Variants in KCNQ3 observed in about 807,000 individuals in gnomAD.
KCNQ3 encodes the protein potassium voltage-gated channel subfamily KQT member 3.
KCNQ3 carries 30 observed loss-of-function variants against 92.5 expected under a neutral mutation model. The observed-to-expected ratio is 0.32, with a 90% CI of 0.24 to 0.44. The LOEUF (loss-of-function observed/expected upper bound fraction) is 0.44, where lower values mean the gene tolerates loss of function less well. Ranked by LOEUF, KCNQ3 falls within the 20% of genes least tolerant of loss-of-function variation. The pLI is 1.00. For missense variants in KCNQ3, 913 were observed against 1,140.3 expected, an observed-to-expected ratio of 0.80 and a Z score of 2.87; for synonymous variants, 450 against 468.8, an observed-to-expected ratio of 0.96 and a Z score of 0.52.
intron 9 of KCNQ3, among the ~76,000 whole-genome samples, chr8:132,161,549 T>G (rs141725883): frequency 0.013 from 1,987 of 151,940 alleles, 41 homozygotes; most frequent in African/African-American, 0.044. Context: ...GGAGAATCAC[T>G]TGAACCCAGG....
intron 1 of KCNQ3, among the ~76,000 whole-genome samples, chr8:132,417,162 G>C (rs942924638): frequency 6.6e-6 from 1 of 152,190 alleles, no homozygotes; most frequent in East Asian, 1.9e-4. Flanking sequence ...ATCCCGTATA[G>C]AGACTATTTA....
intron 8 of KCNQ3, among the ~76,000 whole-genome samples, chr8:132,165,753 G>C (rs574155792): frequency 1.3e-5 from 2 of 152,194 alleles, no homozygotes; most frequent in South Asian, 4.1e-4. Flanking sequence ...CAAGACCTGA[G>C]TTCCAATCTT....
At chr8:132,416,302 C>T (rs1820805768) in intron 1 of KCNQ3, among the ~76,000 whole-genome samples, 1 of 152,214 alleles carries the variant, frequency 6.6e-6, no homozygotes, top group African/African-American at 2.4e-5. Context: ...CTTATCTTCT[C>T]TTTGGAATTC....
chr8:132,123,325 C>T lies in KCNQ3; in HGVS notation c.*5937G>A, dbSNP rs1824551757. ...GCAGAGAGGTGGAGGGGAGGAGTGCCTGCATGGCCATGGGATTGTTCTTCA... is the reference window on the plus strand; with the variant it reads ...GCAGAGAGGTGGAGGGGAGGAGTGCTTGCATGGCCATGGGATTGTTCTTCA... On this transcript the variant is annotated 3_prime_UTR_variant, in exon 15 of 15. Coordinates refer to ENST00000388996, the MANE Select transcript of KCNQ3 (RefSeq NM_004519.4). 1 of 152,428 alleles carries T rather than the reference C, an allele frequency of 6.6e-6. No homozygotes were observed. The highest frequency in any genetic ancestry group is 2.4e-5 in the African/African-American group (1 of 41,416). The allele number at this position is 152,428 out of a possible 1,614,324, so 9.4% of individuals were successfully genotyped here. A position where few individuals can be genotyped will look rare whatever the true frequency, so the allele number is the denominator to read the frequency against.
At chr8:132,167,226 G>A (rs771483240) in intron 8 of KCNQ3, among the ~76,000 whole-genome samples, 1 of 152,178 alleles carries the variant, frequency 6.6e-6, no homozygotes, top group Non-Finnish European at 1.5e-5. Flanking sequence ...GTTCAGGATA[G>A]GTGAAAGAAA....
chr8:132,462,166 T>C (rs1222750471), intron 1 of KCNQ3, among the ~76,000 whole-genome samples: 1 of 140,800 alleles, frequency 7.1e-6, no homozygotes, highest in Non-Finnish European at 1.5e-5. Context: ...CACTGAATTG[T>C]ACATTTATTT....
chr8:132,310,150 G>C (rs564949423), intron 1 of KCNQ3, among the ~76,000 whole-genome samples: 1 of 152,316 alleles, frequency 6.6e-6, no homozygotes, highest in Admixed American at 6.5e-5. Flanking sequence ...CCATATTCAA[G>C]GGAGCACACT....
At chr8:132,156,448 C>A (rs2130041745) in intron 9 of KCNQ3, among the ~76,000 whole-genome samples, 1 of 152,204 alleles carries the variant, frequency 6.6e-6, no homozygotes, top group African/African-American at 2.4e-5. Context: ...ACTCTACTAC[C>A]TAGTTATTTT....
chr8:132,398,249 C>T (rs1426963837), intron 1 of KCNQ3, among the ~76,000 whole-genome samples: 1 of 152,184 alleles, frequency 6.6e-6, no homozygotes, highest in Non-Finnish European at 1.5e-5. Context: ...TCAAATCTCT[C>T]CCCCTCTTCA....
intron 1 of KCNQ3, among the ~76,000 whole-genome samples, chr8:132,345,061 G>A (rs985597474): frequency 6.6e-6 from 1 of 152,184 alleles, no homozygotes; most frequent in Non-Finnish European, 1.5e-5. Flanking sequence ...CAGGGGCATA[G>A]ATTGGTGGCC....
intron 1 of KCNQ3, among the ~76,000 whole-genome samples, chr8:132,478,537 G>A (rs551074405): frequency 2.0e-5 from 3 of 152,182 alleles, no homozygotes; most frequent in African/African-American, 7.2e-5. Flanking sequence ...GTATTTTAAT[G>A]CTTTTTTTTC....
intron 1 of KCNQ3, among the ~76,000 whole-genome samples, chr8:132,207,852 C>A (rs1270495174): frequency 7.1e-6 from 1 of 140,538 alleles, no homozygotes; most frequent in Non-Finnish European, 1.5e-5. Flanking sequence ...AGACTTTTTT[C>A]TTTTCCTTTT....
chr8:132,151,992 GT>G (rs1301942172), intron 9 of KCNQ3, among the ~76,000 whole-genome samples: 1 of 152,214 alleles, frequency 6.6e-6, no homozygotes, highest in Non-Finnish European at 1.5e-5. Flanking sequence ...GTTATGTTAA[GT>G]TATTGGATAC....
At position 132,235,327 on chromosome 8, in the gene KCNQ3, A is replaced by AC. The variant is rs376462729; in HGVS notation, c.387-49147dup. ...AGACCAGCCTGACCAACATGGTGAA[A>AC]CCCCGTCTCTACTAAAAATACGAAA... is the stretch of plus-strand genomic sequence containing the variant. On this transcript the variant is annotated intron_variant, in intron 1 of 14. Coordinates refer to ENST00000388996, the MANE Select transcript of KCNQ3 (RefSeq NM_004519.4). Among the ~76,000 whole-genome samples, 1,352 of 152,218 alleles carry AC rather than the reference A, an allele frequency of 8.9e-3. 18 individuals carry two copies. Among genetic ancestry groups the AC allele is most frequent in the African/African-American group, 0.031 (1,301 of 41,532 alleles).
At chr8:132,209,571 T>C (rs1813788409) in intron 1 of KCNQ3, among the ~76,000 whole-genome samples, 1 of 150,186 alleles carries the variant, frequency 6.7e-6, no homozygotes, top group Non-Finnish European at 1.5e-5. Context: ...ACACACGTAT[T>C]GATGGTCCCC....
At chr8:132,166,857 C>T (rs1826157787) in intron 8 of KCNQ3, among the ~76,000 whole-genome samples, 1 of 152,152 alleles carries the variant, frequency 6.6e-6, no homozygotes, top group Non-Finnish European at 1.5e-5. Context: ...TAAAATGGTG[C>T]AGCCACTATG....
intron 1 of KCNQ3, among the ~76,000 whole-genome samples, chr8:132,197,812 A>G (rs1827344373): frequency 6.6e-6 from 1 of 152,234 alleles, no homozygotes; most frequent in Non-Finnish European, 1.5e-5. Flanking sequence ...ATGCCAGGGT[A>G]ATAGGTACTA....
chr8:132,249,835 G>T (rs1027316766), intron 1 of KCNQ3, among the ~76,000 whole-genome samples: 1 of 152,202 alleles, frequency 6.6e-6, no homozygotes, highest in Non-Finnish European at 1.5e-5. Flanking sequence ...AAGAATTCAA[G>T]CACAACGTTG....
chr8:132,427,725 C>T (rs1821146388), intron 1 of KCNQ3, among the ~76,000 whole-genome samples: 1 of 152,120 alleles, frequency 6.6e-6, no homozygotes, highest in Non-Finnish European at 1.5e-5. Flanking sequence ...GTGGAGCTCC[C>T]CAGCTCTGCC....
Sources: gnomAD v4.1 joint callset for allele counts (sites outside exome capture counted in the v4.1 genomes callset) on GRCh38, gnomAD v4.1.1 for gene constraint, MANE v1.5 for transcripts, NCBI Gene and HGNC (gene_info 2026-07-23, HGNC 2026-07-21) for gene names.